Variants in MACROD2 observed in about 807,000 individuals in gnomAD.
MACROD2 encodes the protein ADP-ribose glycohydrolase MACROD2.
Under a neutral mutation model 70.4 loss-of-function variants are expected in MACROD2, and 36 were observed. That is an observed-to-expected ratio of 0.51 (90% confidence interval 0.39 to 0.68). MACROD2 has a LOEUF of 0.68. MACROD2 is among the 30% of genes least tolerant of loss of function. The pLI is 0.00. For synonymous variants in MACROD2, 172 were observed against 178.8 expected (o/e 0.96, Z 0.30); for missense variants, 496 against 538.4 (o/e 0.92, Z 0.78).
chr20:14,844,081 C>T (rs1178736473), intron 5 of MACROD2, among the ~76,000 whole-genome samples: 1 of 152,100 alleles, frequency 6.6e-6, no homozygotes, highest in East Asian at 1.9e-4. Flanking sequence ...CCTGGCCTTC[C>T]ACCTCATGGT....
At chr20:15,798,610 A>G (rs1278389144) in intron 8 of MACROD2, among the ~76,000 whole-genome samples, 1 of 152,196 alleles carries the variant, frequency 6.6e-6, no homozygotes, top group Non-Finnish European at 1.5e-5. Context: ...AGGAAATGAC[A>G]TGGTCACATT....
intron 5 of MACROD2, among the ~76,000 whole-genome samples, chr20:15,223,868 T>C (rs2076882252): frequency 6.6e-6 from 1 of 152,076 alleles, no homozygotes; most frequent in South Asian, 2.1e-4. Flanking sequence ...TGGCAACCAG[T>C]AGAATATTGT....
intron 6 of MACROD2, among the ~76,000 whole-genome samples, chr20:15,308,775 C>G (rs1443958507): frequency 6.6e-6 from 1 of 152,140 alleles, no homozygotes; most frequent in African/African-American, 2.4e-5. Flanking sequence ...CTTTCCACAG[C>G]ACACGTAGCC....
intron 6 of MACROD2, among the ~76,000 whole-genome samples, chr20:15,323,068 T>C (rs2077889505): frequency 9.6e-6 from 1 of 103,992 alleles, no homozygotes; most frequent in Admixed American, 9.4e-5. Context: ...AGAATAATGC[T>C]GTATGTTGAT....
At chr20:15,092,767 A>G (rs1269364832) in intron 5 of MACROD2, among the ~76,000 whole-genome samples, 1 of 152,150 alleles carries the variant, frequency 6.6e-6, no homozygotes, top group Admixed American at 6.5e-5. Flanking sequence ...TCCACAGGTA[A>G]ATGTATCTGT....
chr20:14,695,085 G>C (rs1192305356), intron 5 of MACROD2, among the ~76,000 whole-genome samples: 1 of 151,886 alleles, frequency 6.6e-6, no homozygotes, highest in African/African-American at 2.4e-5. Flanking sequence ...TAGCTTCCTA[G>C]GGCTGCTGTA....
chr20:14,015,253 C>T (rs1399314947), intron 2 of MACROD2, among the ~76,000 whole-genome samples: 1 of 152,122 alleles, frequency 6.6e-6, no homozygotes, highest in South Asian at 2.1e-4. Flanking sequence ...CGACAATCAC[C>T]AGTATCCATT....
At chr20:15,093,456 C>G (rs1449763602) in intron 5 of MACROD2, among the ~76,000 whole-genome samples, 3 of 151,968 alleles carry the variant, frequency 2.0e-5, no homozygotes, top group Non-Finnish European at 4.4e-5. Flanking sequence ...AATATTCCTG[C>G]CTTGTTAGCG....
At chr20:14,416,116 G>A (rs146120087) in intron 3 of MACROD2, among the ~76,000 whole-genome samples, 2,428 of 151,798 alleles carry the variant, frequency 0.016, 58 homozygotes, top group African/African-American at 0.055. Context: ...ACACCACCAC[G>A]CCCAGCTAAT....
At chr20:15,967,698 A>G in intron 13 of MACROD2, 68 bp downstream of exon 13, 2 of 1,361,956 alleles carry the variant, frequency 1.5e-6, no homozygotes, top group Non-Finnish European at 2.0e-6. Flanking sequence ...AAAAAAAAAA[A>G]AAACCCACAG....
chr20:15,198,427 T>C (rs1353651300), intron 5 of MACROD2, among the ~76,000 whole-genome samples: 1 of 152,164 alleles, frequency 6.6e-6, no homozygotes, highest in Non-Finnish European at 1.5e-5. Context: ...AAAGCAAAAA[T>C]TCGTCATAAA....
intron 5 of MACROD2, among the ~76,000 whole-genome samples, chr20:14,712,648 AG>A (rs2123665554): frequency 6.6e-6 from 1 of 152,354 alleles, no homozygotes; most frequent in South Asian, 2.1e-4. Flanking sequence ...TGATTCAAAT[AG>A]ATTTTAATGA....
rs557750685 is a variant in MACROD2, at chr20:14,687,615, A to G, written c.418+2656A>G. 3.9e-4 allele frequency among the ~76,000 whole-genome samples: 60 copies of G among 152,252 alleles called. No homozygotes were observed. The Middle Eastern group carries it at 0.01, about 26-fold the overall frequency. ...CAATGAAGCTAGAAATGACCAGTCA[A>G]TCAATGGGACTAGCTACAGAATCCA... On this transcript the variant is annotated intron_variant, in intron 5 of 17. Transcript: ENST00000684519.
At chr20:15,329,663 A>G (rs970477885) in intron 6 of MACROD2, among the ~76,000 whole-genome samples, 2 of 152,132 alleles carry the variant, frequency 1.3e-5, no homozygotes, top group African/African-American at 4.8e-5. Flanking sequence ...GTGAATTCAC[A>G]AATTTTTCAG....
chr20:14,509,573 C>A (rs867794286), intron 4 of MACROD2, among the ~76,000 whole-genome samples: 2 of 151,938 alleles, frequency 1.3e-5, no homozygotes, highest in Admixed American at 1.3e-4. Flanking sequence ...GCTTCCAAGA[C>A]CCATTTCATA....
At chr20:15,803,591 A>T (rs2063744633) in intron 8 of MACROD2, among the ~76,000 whole-genome samples, 1 of 151,540 alleles carries the variant, frequency 6.6e-6, no homozygotes, top group African/African-American at 2.4e-5. Flanking sequence ...CTCCTACATA[A>T]CATTTAATAA....
At chr20:14,529,351 G>A (rs1217733660) in intron 4 of MACROD2, among the ~76,000 whole-genome samples, 1 of 152,042 alleles carries the variant, frequency 6.6e-6, no homozygotes, top group East Asian at 1.9e-4. Context: ...TCATCTTTCT[G>A]CCCTGCCACA....
chr20:15,430,037 C>G (rs2146355284), intron 6 of MACROD2, among the ~76,000 whole-genome samples: 1 of 152,160 alleles, frequency 6.6e-6, no homozygotes, highest in Admixed American at 6.6e-5. Context: ...CTTTCTGTGA[C>G]TGAGTTATTT....
At chr20:15,428,773 AT>A (rs762619068) in intron 6 of MACROD2, among the ~76,000 whole-genome samples, 10 of 151,890 alleles carry the variant, frequency 6.6e-5, no homozygotes, top group Non-Finnish European at 1.3e-4. Context: ...TTTGTATTGT[AT>A]TTTTTTTCTT....
Sources: allele counts gnomAD v4.1 joint callset (sites outside exome capture counted in the v4.1 genomes callset), GRCh38; gene constraint gnomAD v4.1.1; transcripts MANE v1.5; gene names NCBI Gene and HGNC (gene_info 2026-07-23, HGNC 2026-07-21).